The following TYW1 variants were observed in gnomAD, a reference collection of about 807,000 sequenced individuals.
TYW1 encodes the protein tRNA-yW synthesizing protein 1 homolog, also known as S-adenosyl-L-methionine-dependent tRNA 4-demethylwyosine synthase TYW1.
TYW1 carries 46 observed loss-of-function variants against 96.2 expected under a neutral mutation model. The observed-to-expected ratio is 0.48, with a 90% confidence interval of 0.38 to 0.61. The LOEUF is 0.61. Ranked by LOEUF, TYW1 falls within the 20% of genes least tolerant of loss-of-function variation. The probability of loss-of-function intolerance (pLI) is 0.00; values close to 1 mark genes in which losing one functional copy is unlikely to be tolerated. For missense variants in TYW1, 684 were observed against 909.6 expected (o/e 0.75, Z 3.19); for synonymous variants, 274 against 323.0 (o/e 0.85, Z 1.63).
At chr7:67,154,159 T>C (rs1460481778) in intron 13 of TYW1, among the ~76,000 whole-genome samples, 3 of 152,156 alleles carry the variant, frequency 2.0e-5, no homozygotes, top group Admixed American at 6.5e-5. Flanking sequence ...CCTGACCTCA[T>C]GATCCACCTG....
At chr7:67,089,344 C>T (rs1056229454) in intron 11 of TYW1, 6 of 1,258,898 alleles carry the variant, frequency 4.8e-6, no homozygotes, top group African/African-American at 3.0e-5. Context: ...GAGGTGGCGG[C>T]CCTGTCCATT....
At chr7:67,078,916 G>A (rs923520020) in intron 10 of TYW1, among the ~76,000 whole-genome samples, 2 of 151,914 alleles carry the variant, frequency 1.3e-5, no homozygotes, top group African/African-American at 2.4e-5. Flanking sequence ...GGATGGTCTC[G>A]ATCTCCTGAA....
At position 67,072,934 on chromosome 7, in the gene TYW1, G is replaced by GTTTTT. The variant is rs529812538; in HGVS notation, c.1274+5557_1274+5561dup. On this transcript the variant is annotated intron_variant, in intron 10 of 15. Transcript: ENST00000359626. ...AGGCTTGTGCCACAATGCCTATCCA[G>GTTTTT]TTTTTTTTTTTTTTTTTTTTTTTTT... is the stretch of plus-strand genomic sequence containing the variant. Among the ~76,000 whole-genome samples, 138 of 71,258 alleles carry GTTTTT rather than the reference G, an allele frequency of 1.9e-3. 8 individuals carry two copies. Among genetic ancestry groups the GTTTTT allele is most frequent in the South Asian group, 7.2e-3 (13 of 1,794 alleles). The allele number at this position is 71,258 out of a possible 152,430, so 46.7% of individuals were successfully genotyped here.
In TYW1 at chr7:67,219,795, G is replaced by T. The variant is rs564852032; in HGVS notation, c.1978-18513G>T. ...CTTTTAAAAATTCATCCAGCTAAAG[G>T]TTTGTCAATTTTGTTGATCTTTTAA... On this transcript the variant is annotated intron_variant, in intron 15 of 15. Transcript: ENST00000359626. 1.0e-3 allele frequency among the ~76,000 whole-genome samples: 149 copies of T among 146,252 alleles called. 1 individual carries two copies. The highest frequency in any genetic ancestry group is 3.2e-3 in the Admixed American group (48 of 14,772).
intron 13 of TYW1, among the ~76,000 whole-genome samples, chr7:67,140,117 G>C (rs28374341): frequency 0.26 from 38,975 of 151,068 alleles, 5,492 homozygotes; most frequent in African/African-American, 0.38. Flanking sequence ...CCCACTTTTT[G>C]AAGCCATCAG....
At chr7:67,232,210 G>A (rs1382212720) in intron 15 of TYW1, among the ~76,000 whole-genome samples, 1 of 151,680 alleles carries the variant, frequency 6.6e-6, no homozygotes, top group Non-Finnish European at 1.5e-5. Context: ...CAGCCTGGGT[G>A]ACAGAGTGTC....
chr7:67,153,373 T>C (rs1324718003), intron 13 of TYW1, among the ~76,000 whole-genome samples: 1 of 152,130 alleles, frequency 6.6e-6, no homozygotes, highest in African/African-American at 2.4e-5. Flanking sequence ...GGAGAATCGC[T>C]TGAACATGGG....
chr7:67,066,001 CTA>C (rs1491121471), intron 9 of TYW1, among the ~76,000 whole-genome samples: 1 of 110,510 alleles, frequency 9.0e-6, no homozygotes, highest in African/African-American at 3.7e-5. Flanking sequence ...CAGAGTGAGA[CTA>C]CACACACACA....
chr7:67,202,170 A>C (rs1213184601), intron 15 of TYW1, among the ~76,000 whole-genome samples: 2 of 151,416 alleles, frequency 1.3e-5, no homozygotes. Flanking sequence ...CGGAGTATGC[A>C]GATCTTGTCA....
chr7:67,016,980 A>ATTTTTTTTTTTTTTTTTTTTTTTTT (rs35358824), intron 5 of TYW1, among the ~76,000 whole-genome samples: 1 of 121,766 alleles, frequency 8.2e-6, no homozygotes, highest in African/African-American at 3.1e-5. Flanking sequence ...AGATATGTAA[A>ATTTTTTTTTTTTTTTTTTTTTTTTT]TTTTTTTTTT....
chr7:67,223,912 A>G (rs1388991761), intron 15 of TYW1, among the ~76,000 whole-genome samples: 2 of 151,642 alleles, frequency 1.3e-5, no homozygotes, highest in East Asian at 3.9e-4. Context: ...CATCAGACAA[A>G]TTCTGCCAGT....
intron 7 of TYW1, among the ~76,000 whole-genome samples, chr7:67,049,621 A>C (rs1446933349): frequency 1.3e-5 from 2 of 151,058 alleles, no homozygotes; most frequent in African/African-American, 4.9e-5. Flanking sequence ...ATCTCGGCTC[A>C]CTGCAACTTT....
At chr7:67,083,753 GGCCA>G (rs1796453016) in intron 11 of TYW1, among the ~76,000 whole-genome samples, 1 of 152,156 alleles carries the variant, frequency 6.6e-6, no homozygotes, top group South Asian at 2.1e-4. Flanking sequence ...GTAGCAACTT[GGCCA>G]GGTGTGCTGG....
At chr7:67,032,001 A>G (rs549603109) in intron 7 of TYW1, among the ~76,000 whole-genome samples, 79 of 152,240 alleles carry the variant, frequency 5.2e-4, no homozygotes, top group African/African-American at 1.7e-3. Flanking sequence ...AGACAAATCC[A>G]GTATTTGCCA....
intron 15 of TYW1, among the ~76,000 whole-genome samples, chr7:67,221,876 T>TA (rs993875160): frequency 6.0e-5 from 9 of 151,038 alleles, no homozygotes; most frequent in African/African-American, 2.2e-4. Flanking sequence ...TTTTTTTTTT[T>TA]AAACACATTA....
intron 9 of TYW1, 94 bp downstream of exon 9, chr7:67,055,981 T>G: frequency 1.1e-6 from 1 of 944,836 alleles, no homozygotes; most frequent in Non-Finnish European, 1.5e-6. Context: ...TTTAGAGGTA[T>G]AATTTACATT....
intron 13 of TYW1, among the ~76,000 whole-genome samples, chr7:67,163,912 G>A (rs561836933): frequency 5.3e-5 from 8 of 152,104 alleles, no homozygotes; most frequent in Admixed American, 2.6e-4. Context: ...CAGATGATCC[G>A]CCCACCTTGG....
chr7:67,157,687 G>A (rs1332067009), intron 13 of TYW1, among the ~76,000 whole-genome samples: 1 of 152,226 alleles, frequency 6.6e-6, no homozygotes, highest in Non-Finnish European at 1.5e-5. Context: ...ATTCAGGATA[G>A]CACCTTACAT....
intron 15 of TYW1, among the ~76,000 whole-genome samples, chr7:67,230,125 T>G (rs1461828666): frequency 6.6e-6 from 1 of 152,014 alleles, no homozygotes; most frequent in Non-Finnish European, 1.5e-5. Context: ...TCTACTTCCT[T>G]AGGATATGGC....
Sources: allele counts gnomAD v4.1 joint callset (sites outside exome capture counted in the v4.1 genomes callset), GRCh38; gene constraint gnomAD v4.1.1; transcripts MANE v1.5; gene names NCBI Gene and HGNC (gene_info 2026-07-23, HGNC 2026-07-21).